TOX2: variants seen among roughly 807,000 people sequenced by gnomAD.
TOX2 encodes granulosa cell HMG box 1.
Under a neutral mutation model 47.4 loss-of-function variants are expected in TOX2, and 15 were observed. The observed-to-expected ratio is 0.32, with a 90% CI of 0.21 to 0.49. The LOEUF (loss-of-function observed/expected upper bound fraction) is 0.49. Ranked by LOEUF, TOX2 falls within the 20% of genes least tolerant of loss-of-function variation. The pLI is 0.99. For synonymous variants in TOX2, 290 were observed against 296.6 expected, an observed-to-expected ratio of 0.98 and a Z score of 0.23; for missense variants, 622 against 673.1, an observed-to-expected ratio of 0.92 and a Z score of 0.84.
intron 1 of TOX2, among the ~76,000 whole-genome samples, chr20:43,942,718 A>G (rs1485848808): frequency 6.6e-6 from 1 of 152,010 alleles, no homozygotes; most frequent in East Asian, 1.9e-4. Context: ...AAAAGAAAAG[A>G]AAAAAGAAAA....
intron 5 of TOX2, among the ~76,000 whole-genome samples, chr20:44,057,929 A>G (rs2071650570): frequency 6.6e-6 from 1 of 152,250 alleles, no homozygotes; most frequent in African/African-American, 2.4e-5. Flanking sequence ...CATCCAGCAG[A>G]CTAGCTCATG....
At chr20:43,925,319 G>A (rs1466145956) in intron 1 of TOX2, among the ~76,000 whole-genome samples, 1 of 152,156 alleles carries the variant, frequency 6.6e-6, no homozygotes, top group African/African-American at 2.4e-5. Flanking sequence ...CCGTGACTGC[G>A]TGGGTGGGCA....
At chr20:44,025,970 G>A (rs530863387) in intron 3 of TOX2, among the ~76,000 whole-genome samples, 7 of 152,052 alleles carry the variant, frequency 4.6e-5, no homozygotes, top group East Asian at 1.9e-4. Context: ...AGCTCCTGGC[G>A]GGGTGGGGTG....
At chr20:43,933,911 AG>A (rs1405180228) in intron 1 of TOX2, among the ~76,000 whole-genome samples, 1 of 152,024 alleles carries the variant, frequency 6.6e-6, no homozygotes, top group Admixed American at 6.5e-5. Context: ...GATGGCCTTG[AG>A]GAGGGTGGAC....
intron 1 of TOX2, among the ~76,000 whole-genome samples, chr20:43,918,073 G>A (rs1362323015): frequency 6.6e-6 from 1 of 152,106 alleles, no homozygotes; most frequent in Non-Finnish European, 1.5e-5. Flanking sequence ...CACTTGTTTG[G>A]CTTTTTTGCA....
At chr20:43,968,526 G>A (rs1021725291) in intron 1 of TOX2, among the ~76,000 whole-genome samples, 1 of 152,196 alleles carries the variant, frequency 6.6e-6, no homozygotes, top group African/African-American at 2.4e-5. Flanking sequence ...GGAAAGGAGA[G>A]GTAGGGGAGA....
intron 2 of TOX2, among the ~76,000 whole-genome samples, chr20:44,002,716 C>T (rs1212845634): frequency 2.6e-5 from 4 of 152,088 alleles, no homozygotes; most frequent in Non-Finnish European, 5.9e-5. Context: ...GCTTTTACTC[C>T]TGGGAGAAGG....
intron 1 of TOX2, among the ~76,000 whole-genome samples, chr20:43,922,967 T>C (rs2069126623): frequency 6.6e-6 from 1 of 152,116 alleles, no homozygotes; most frequent in Admixed American, 6.5e-5. Context: ...AGAGTAATAA[T>C]TAAATATAAA....
chr20:44,058,466 A>G (rs2071660971), intron 5 of TOX2, among the ~76,000 whole-genome samples: 1 of 152,202 alleles, frequency 6.6e-6, no homozygotes, highest in Non-Finnish European at 1.5e-5. Flanking sequence ...GACAAAGGAC[A>G]TAATCTCTCT....
intron 5 of TOX2, among the ~76,000 whole-genome samples, chr20:44,064,262 C>T (rs528649411): frequency 2.6e-5 from 4 of 152,330 alleles, no homozygotes; most frequent in African/African-American, 9.6e-5. Flanking sequence ...GTCATTTGCA[C>T]CTCCTCGTTT....
chr20:43,991,456 C>T (rs2070366919), intron 2 of TOX2, among the ~76,000 whole-genome samples: 1 of 152,172 alleles, frequency 6.6e-6, no homozygotes, highest in South Asian at 2.1e-4. Flanking sequence ...GTGAACAAAG[C>T]AGTCAAACAC....
At chr20:43,943,730 A>G (rs1292924279) in intron 1 of TOX2, among the ~76,000 whole-genome samples, 1 of 152,252 alleles carries the variant, frequency 6.6e-6, no homozygotes, top group Non-Finnish European at 1.5e-5. Context: ...CTGACAATCA[A>G]TTATACCTTT....
At position 43,924,897 on chromosome 20, in the gene TOX2, G is replaced by A. The variant is rs1316283304; in HGVS notation, c.99+9907G>A. 4.6e-5 allele frequency among the ~76,000 whole-genome samples: 7 copies of A among 152,172 alleles called. No homozygotes were observed. In the South Asian group the frequency reaches 1.4e-3, roughly 32 times the overall value. ...TTCTCCACACACAGCCCTGTGTCCC[G>A]GGGTGTCCACTGAAAAGGGAGTGGA... On this transcript the variant is annotated intron_variant, in intron 1 of 8. Transcript: ENST00000341197.
At chr20:44,039,016 G>C (rs2071287617) in intron 3 of TOX2, 1 of 1,217,526 alleles carries the variant, frequency 8.2e-7, no homozygotes, top group African/African-American at 1.6e-5. Context: ...TTCCAAGAGG[G>C]AAGCAGGAGG....
At position 44,044,245 on chromosome 20, in the gene TOX2, G is replaced by C. The variant is rs182265501; in HGVS notation, c.412-7061G>C. Among the ~76,000 whole-genome samples the C allele has an allele frequency of 3.7e-4, 57 of 152,264 alleles. 1 individual carries two copies. The East Asian group carries it at 0.01, about 27-fold the overall frequency. ...TGAACAATGAGAACACTTGGACAAA[G>C]GAAGGGGAACATCACACACTGGGGC... On this transcript the variant is annotated intron_variant, in intron 3 of 8. Coordinates refer to ENST00000341197, the MANE Select transcript of TOX2 (RefSeq NM_001098797.2).
intron 8 of TOX2, among the ~76,000 whole-genome samples, chr20:44,067,704 G>A (rs543665913): frequency 3.3e-5 from 5 of 152,154 alleles, no homozygotes; most frequent in East Asian, 1.9e-4. Flanking sequence ...CTGGATCCAC[G>A]CCACCCCAAC....
intron 5 of TOX2, among the ~76,000 whole-genome samples, chr20:44,057,105 G>A (rs575143173): frequency 1.6e-4 from 24 of 151,734 alleles, no homozygotes; most frequent in Non-Finnish European, 2.9e-4. Flanking sequence ...TTGGTATTTT[G>A]TAGAGACAGG....
At chr20:44,039,248 T>A in intron 3 of TOX2, 1 of 1,289,400 alleles carries the variant, frequency 7.8e-7, no homozygotes, top group Non-Finnish European at 1.0e-6. Flanking sequence ...TAAAGGAGGA[T>A]GACACAGAGG....
In TOX2 at chr20:44,066,829, A is replaced by G. The variant is rs2071831656; in HGVS notation, c.1456A>G (p.Ser486Gly). ...SSGDWDSSYP[S>G]GECGISTCSL... ...CGGGGACTGGGACAGCAGCTACCCC[A>G]GTGGGGAGTGTGGCATCAGCACCTG... is the stretch of plus-strand genomic sequence containing the variant. Residue 486 changes from serine (S) to glycine (G), a missense_variant, in exon 8 of 9, where the codon AGT (serine) becomes GGT (glycine). Ser to Gly is a moderately conservative substitution (Grantham distance 56, BLOSUM62 0). Coordinates refer to ENST00000341197, the MANE Select transcript of TOX2 (RefSeq NM_001098797.2). 1 of 1,613,884 alleles carries G rather than the reference A, an allele frequency of 6.2e-7. No homozygotes were observed. The highest frequency in any genetic ancestry group is 8.5e-7 in the Non-Finnish European group (1 of 1,179,960).
Sources: allele counts gnomAD v4.1 joint callset (sites outside exome capture counted in the v4.1 genomes callset), GRCh38; gene constraint gnomAD v4.1.1; transcripts MANE v1.5; gene names NCBI Gene and HGNC (gene_info 2026-07-23, HGNC 2026-07-21).